The following LBHD2 variants were observed in gnomAD, a reference collection of about 807,000 sequenced individuals.
LBHD2 encodes the protein LBH domain containing 2, also known as LBH domain-containing protein 2.
chr14:103,089,185 T>C (rs1889676089), intron 3 of LBHD2, among the ~76,000 whole-genome samples: 1 of 152,070 alleles, frequency 6.6e-6, no homozygotes, highest in Non-Finnish European at 1.5e-5. Context: ...TGGAGACCCC[T>C]GGGAGTCTAT....
At chr14:103,087,986 T>TC (rs1436852962) in intron 2 of LBHD2, 99 bp from the exon 3 acceptor site, 18 of 397,538 alleles carry the variant, frequency 4.5e-5, no homozygotes, top group Middle Eastern at 6.2e-4. Flanking sequence ...GTGGGAAGGG[T>TC]CTCTGATCTC....
rs567456920 is a variant in LBHD2, at chr14:103,086,919, C to T, written c.69+838C>T. On this transcript the variant is annotated intron_variant, in intron 2 of 3. Coordinates refer to ENST00000634353, the MANE Select transcript of LBHD2 (RefSeq NM_001330236.2). ...TGGACAGAGGTGAGCACCAGGACTC[C>T]GAGCTGCAAACGCTGCTGGCCTGGA... 3.3e-5 allele frequency among the ~76,000 whole-genome samples: 5 copies of T among 152,286 alleles called. No individual in the cohort carries two copies. The South Asian group carries it at 6.2e-4, about 19-fold the overall frequency.
intron 2 of LBHD2, among the ~76,000 whole-genome samples, chr14:103,086,909 A>C (rs1365029394): frequency 6.6e-6 from 1 of 152,184 alleles, no homozygotes; most frequent in Non-Finnish European, 1.5e-5. Context: ...AGAGGTGAGC[A>C]CCAGGACTCC....
chr14:103,087,428 T>TG (rs1889649453), intron 2 of LBHD2, among the ~76,000 whole-genome samples: 1 of 152,074 alleles, frequency 6.6e-6, no homozygotes, highest in East Asian at 1.9e-4. Context: ...AGCACAGGCG[T>TG]GGGGGTGGGA....
At chr14:103,087,156 C>G (rs1260577687) in intron 2 of LBHD2, among the ~76,000 whole-genome samples, 5 of 152,234 alleles carry the variant, frequency 3.3e-5, no homozygotes, top group Non-Finnish European at 7.3e-5. Context: ...ATTCCACAGA[C>G]ATCCCAGTCC....
rs1478827933 is a variant in LBHD2 at position 103,089,836 on chromosome 14, G to A, written c.*39G>A. 5.0e-6 allele frequency: 2 copies of A among 398,490 alleles called. No individual in the cohort carries two copies. Among genetic ancestry groups the A allele is most frequent in the Non-Finnish European group, 8.8e-6 (2 of 226,068 alleles). The allele number at this position is 398,490 out of a possible 1,614,324, so 24.7% of individuals were successfully genotyped here. A position where few individuals can be genotyped will look rare whatever the true frequency, so the allele number is the denominator to read the frequency against. The stretch of plus-strand genomic sequence containing the variant: ...CTGGGCTCTGCTGTCTGACTGCTGA[G>A]GGCCTCTGCCCCAGGGTGGCCGGGC... On this transcript the variant is annotated 3_prime_UTR_variant, in exon 4 of 4. Coordinates refer to ENST00000634353, the MANE Select transcript of LBHD2 (RefSeq NM_001330236.2).
At chr14:103,086,225 T>G (rs1889630923) in intron 2 of LBHD2, 144 bp downstream of exon 2, 1 of 394,132 alleles carries the variant, frequency 2.5e-6, no homozygotes, top group African/African-American at 2.1e-5. Flanking sequence ...TATTTATTTA[T>G]TTTTGACACA....
Position 103,089,716 on chromosome 14 carries a change from C to T in LBHD2, c.246C>T (p.Pro82=), listed in dbSNP as rs770079559. ...RAAAAPSPSL[P]GEPGKAADNA... is the part of the protein sequence containing the mutation. ...CTGCAGCCCCCTCGCCGAGTCTGCC[C>T]GGAGAACCAGGGAAAGCTGCAGATA... The change falls in exon 4 of 4, where the codon CCC becomes CCT. Residue 82 remains proline (P), a synonymous_variant. Coordinates refer to ENST00000634353, the MANE Select transcript of LBHD2 (RefSeq NM_001330236.2). 2.5e-5 allele frequency: 10 copies of T among 398,550 alleles called. No individual in the cohort carries two copies. The highest frequency in any genetic ancestry group is 6.2e-4 in the Middle Eastern group (1 of 1,610). The allele number at this position is 398,550 out of a possible 1,614,324, so 24.7% of individuals were successfully genotyped here.
At chr14:103,087,412 T>G (rs772440497) in intron 2 of LBHD2, among the ~76,000 whole-genome samples, 2 of 152,218 alleles carry the variant, frequency 1.3e-5, no homozygotes, top group Admixed American at 6.5e-5. Context: ...CAGGGCCATC[T>G]GCCCGAGCAC....
At chr14:103,084,919 G>A (rs1174586446) in intron 1 of LBHD2, among the ~76,000 whole-genome samples, 1 of 152,170 alleles carries the variant, frequency 6.6e-6, no homozygotes, top group Non-Finnish European at 1.5e-5. Flanking sequence ...GGACCTGGGA[G>A]CAGTGGGGCA....
chr14:103,086,332 C>T (rs767961978), intron 2 of LBHD2, among the ~76,000 whole-genome samples: 10 of 152,224 alleles, frequency 6.6e-5, no homozygotes, highest in Non-Finnish European at 1.5e-4. Context: ...CTGCCTCAGC[C>T]TCTGGAGTAG....
chr14:103,086,452 C>T (rs1183537810), intron 2 of LBHD2, among the ~76,000 whole-genome samples: 1 of 152,198 alleles, frequency 6.6e-6, no homozygotes, highest in African/African-American at 2.4e-5. Context: ...CTCAGGTGAT[C>T]CACCTGCCTT....
At position 103,086,027 on chromosome 14, in the gene LBHD2, G is replaced by T; in HGVS notation, c.15G>T (p.Arg5=). ...GCGGCAGCAGCATGAGCACCCCCCG[G>T]CCTGCTCCACCACAGCCAGGCGCTG... MSTP[R]PAPPQPGAAE... Residue 5 remains arginine, a synonymous_variant, in exon 2 of 4, where the codon CGG becomes CGT. Transcript: ENST00000634353. 1 of 398,688 alleles carries T rather than the reference G, an allele frequency of 2.5e-6. No individual in the cohort carries two copies. The highest frequency in any genetic ancestry group is 2.1e-5 in the African/African-American group (1 of 48,752). The allele number at this position is 398,688 out of a possible 1,614,324, so 24.7% of individuals were successfully genotyped here.
intron 1 of LBHD2, 37 bp downstream of exon 1, chr14:103,084,384 G>T (rs75925273): frequency 0.041 from 6,244 of 152,320 alleles, 397 homozygotes; most frequent in African/African-American, 0.14. Flanking sequence ...GCATGGGGGG[G>T]GATTTGGGAG....
At chr14:103,087,595 G>A (rs1392497304) in intron 2 of LBHD2, among the ~76,000 whole-genome samples, 1 of 152,212 alleles carries the variant, frequency 6.6e-6, no homozygotes, top group African/African-American at 2.4e-5. Flanking sequence ...ACTGAACAAT[G>A]AGCCAAGAGC....
At chr14:103,089,601 C>T (rs1249543731) in intron 3 of LBHD2, 96 bp from the exon 4 acceptor site, 3 of 398,254 alleles carry the variant, frequency 7.5e-6, no homozygotes, top group Non-Finnish European at 1.3e-5. Context: ...CCTGCCCCAG[C>T]CCAGTTGCCT....
intron 1 of LBHD2, among the ~76,000 whole-genome samples, chr14:103,084,579 G>A (rs1445829799): frequency 1.3e-5 from 2 of 152,192 alleles, no homozygotes; most frequent in African/African-American, 4.8e-5. Flanking sequence ...GGACCCTGGC[G>A]CCGGGCAGGG....
chr14:103,087,416 C>T (rs530669325), intron 2 of LBHD2, among the ~76,000 whole-genome samples: 3 of 152,312 alleles, frequency 2.0e-5, no homozygotes, highest in South Asian at 2.1e-4. Flanking sequence ...GCCATCTGCC[C>T]GAGCACAGGC....
chr14:103,089,807 G>A lies in LBHD2; in HGVS notation c.*10G>A, dbSNP rs753758932. On this transcript the variant is annotated 3_prime_UTR_variant, in exon 4 of 4. Transcript: ENST00000634353. Reference sequence around the variant, plus strand: ...CCCGGCCCGGGGATAGGACAAGGACGTGGCTGGGCTCTGCTGTCTGACTGC... The same window carrying A: ...CCCGGCCCGGGGATAGGACAAGGACATGGCTGGGCTCTGCTGTCTGACTGC... 7.8e-5 allele frequency: 31 copies of A among 398,514 alleles called. No homozygotes were observed. The highest frequency in any genetic ancestry group is 1.2e-4 in the Non-Finnish European group (26 of 226,064). The allele number at this position is 398,514 out of a possible 1,614,324, so 24.7% of individuals were successfully genotyped here.
Sources: gnomAD v4.1 joint callset for allele counts (sites outside exome capture counted in the v4.1 genomes callset) on GRCh38, gnomAD v4.1.1 for gene constraint, MANE v1.5 for transcripts, NCBI Gene and HGNC (gene_info 2026-07-23, HGNC 2026-07-21) for gene names.